PRIM2: variants seen among roughly 807,000 people sequenced by gnomAD.
The protein encoded by PRIM2 is DNA primase large subunit.
PRIM2 carries 39 observed loss-of-function variants against 67.3 expected under a neutral mutation model. The observed-to-expected ratio is 0.58, with a 90% confidence interval of 0.45 to 0.76. The LOEUF (loss-of-function observed/expected upper bound fraction) is 0.76. Among genes scored for constraint, PRIM2 ranks in the 30% least tolerant of loss-of-function variants. PRIM2 has a pLI of 0.00. For synonymous variants in PRIM2, 143 were observed against 198.7 expected, an observed-to-expected ratio of 0.72 and a Z score of 2.36; for missense variants, 398 against 598.7, an observed-to-expected ratio of 0.66 and a Z score of 3.50.
At chr6:57,316,545 A>G (rs1032318524), upstream of PRIM2, among the ~76,000 whole-genome samples, 1 of 152,258 alleles carries the variant, frequency 6.6e-6, no homozygotes, top group Non-Finnish European at 1.5e-5. Flanking sequence ...CAGGCTGGGT[A>G]GATGCTTTGA....
intron 10 of PRIM2, among the ~76,000 whole-genome samples, chr6:57,561,760 AC>A (rs1483620481): frequency 1.3e-5 from 2 of 151,998 alleles, no homozygotes; most frequent in Non-Finnish European, 2.9e-5. Context: ...TCCTTGAAAA[AC>A]TTTTTTTTTA....
chr6:57,237,350 T>C, the PRIM2 span, among the ~76,000 whole-genome samples: 1 of 152,238 alleles, frequency 6.6e-6, no homozygotes, highest in Non-Finnish European at 1.5e-5. Flanking sequence ...AAAAATTTTC[T>C]CCCATTCTGT....
chr6:57,556,547 A>G (rs1265415004), intron 10 of PRIM2, among the ~76,000 whole-genome samples: 11 of 152,244 alleles, frequency 7.2e-5, no homozygotes, highest in Non-Finnish European at 1.3e-4. Flanking sequence ...AGGACTGCCT[A>G]TTCAACAAGT....
In PRIM2 at chr6:57,366,139, A is replaced by G. The variant is rs11758740; in HGVS notation, c.460-13762A>G. 1.5e-3 allele frequency among the ~76,000 whole-genome samples: 225 copies of G among 152,232 alleles called. 6 individuals carry two copies. In the East Asian group the frequency reaches 0.017, roughly 11 times the overall value. On this transcript the variant is annotated intron_variant, in intron 5 of 13. Transcript: ENST00000615550. ...CATGGAGGTGGGAGTAACTATGCCT[A>G]AGGAAATCTGGTGCAACTTTGCAGA... is the stretch of plus-strand genomic sequence containing the variant.
chr6:57,449,303 A>AT (rs1772459774), intron 7 of PRIM2, among the ~76,000 whole-genome samples: 1 of 152,126 alleles, frequency 6.6e-6, no homozygotes, highest in African/African-American at 2.4e-5. Flanking sequence ...ATTGGCAAAC[A>AT]TTTGCTAGGA....
chr6:57,250,992 T>C, the PRIM2 span, among the ~76,000 whole-genome samples: 1 of 152,196 alleles, frequency 6.6e-6, no homozygotes, highest in Non-Finnish European at 1.5e-5. Flanking sequence ...ATCATAAATC[T>C]GAAACACTTC....
chr6:57,521,366 G>GGTTT (rs1253463587), intron 8 of PRIM2, among the ~76,000 whole-genome samples: 3 of 76,622 alleles, frequency 3.9e-5, no homozygotes, highest in African/African-American at 1.5e-4. Flanking sequence ...ATGTGGTTAG[G>GGTTT]GTTTTTTTTT....
chr6:57,299,156 A>C, the PRIM2 span, among the ~76,000 whole-genome samples: 12 of 152,078 alleles, frequency 7.9e-5, no homozygotes, highest in Non-Finnish European at 1.2e-4. Context: ...GCCCTTTATA[A>C]ACAATAATCT....
chr6:57,277,941 G>T, the PRIM2 span, among the ~76,000 whole-genome samples: 4 of 148,750 alleles, frequency 2.7e-5, no homozygotes, highest in South Asian at 8.7e-4. Flanking sequence ...CCGAGATCGT[G>T]CCACTGCGCT....
intron 13 of PRIM2, among the ~76,000 whole-genome samples, chr6:57,643,339 A>G (rs1777279474): frequency 6.6e-6 from 1 of 152,176 alleles, no homozygotes; most frequent in Non-Finnish European, 1.5e-5. Flanking sequence ...CATTATCAGT[A>G]TGATTTTGCA....
chr6:57,274,380 C>T, the PRIM2 span, among the ~76,000 whole-genome samples: 4 of 152,240 alleles, frequency 2.6e-5, no homozygotes, highest in East Asian at 3.9e-4. Context: ...TCTCAGACTG[C>T]TGTGCTAGCA....
intron 8 of PRIM2, among the ~76,000 whole-genome samples, chr6:57,515,672 A>G (rs1554348179): frequency 6.6e-6 from 1 of 152,248 alleles, no homozygotes; most frequent in Non-Finnish European, 1.5e-5. Flanking sequence ...AGTACATTGT[A>G]TATACATTCC....
intron 7 of PRIM2, among the ~76,000 whole-genome samples, chr6:57,473,282 C>T (rs1278104895): frequency 2.0e-4 from 31 of 152,186 alleles, no homozygotes; most frequent in Non-Finnish European, 3.7e-4. Flanking sequence ...GATGGGGAGG[C>T]GGCACACAAC....
intron 7 of PRIM2, among the ~76,000 whole-genome samples, chr6:57,477,611 C>G (rs1773506628): frequency 6.6e-6 from 1 of 152,066 alleles, no homozygotes; most frequent in Non-Finnish European, 1.5e-5. Flanking sequence ...TCACATATGT[C>G]TTAGCTAAAT....
At chr6:57,224,269 AAG>A in the PRIM2 span, among the ~76,000 whole-genome samples, 2 of 152,114 alleles carry the variant, frequency 1.3e-5, no homozygotes, top group African/African-American at 2.4e-5. Context: ...TCAAAAATAA[AAG>A]AGAGAGAGGG....
chr6:57,317,630 A>G lies in PRIM2; in HGVS notation c.-81A>G, dbSNP rs994287462. 6.5e-6 allele frequency: 1 copy of G among 152,724 alleles called. No homozygotes were observed. The highest frequency in any genetic ancestry group is 1.5e-5 in the Non-Finnish European group (1 of 68,100). 9.5% of individuals were successfully genotyped at this position (152,724 alleles called of 1,614,324 possible). On this transcript the variant is annotated 5_prime_UTR_variant, in exon 1 of 14. Coordinates refer to ENST00000615550, the MANE Select transcript of PRIM2 (RefSeq NM_000947.5). ...GCTAGTCACTTCCTCTTCCGGTTTC[A>G]TATGAACTCTCCCGCCACCCGGGAA... is the stretch of plus-strand genomic sequence containing the variant.
At chr6:57,344,724 A>G (rs1464469021) in intron 5 of PRIM2, among the ~76,000 whole-genome samples, 2 of 152,206 alleles carry the variant, frequency 1.3e-5, no homozygotes, top group African/African-American at 4.8e-5. Context: ...TAAGTTTTCT[A>G]GTTAGTTGAG....
chr6:57,458,591 A>G (rs1392167580), intron 7 of PRIM2, among the ~76,000 whole-genome samples: 1 of 152,200 alleles, frequency 6.6e-6, no homozygotes, highest in African/African-American at 2.4e-5. Flanking sequence ...AGGCTGAGGA[A>G]GGCGAATTCC....
chr6:57,587,393 G>A lies in PRIM2; in HGVS notation c.1021-13700G>A, dbSNP rs1401238039. Among the ~76,000 whole-genome samples the A allele has an allele frequency of 1.2e-4, 18 of 152,218 alleles. No individual in the cohort carries two copies. The South Asian group carries it at 2.1e-3, about 18-fold the overall frequency. ...TAAAAGGCAGAACACAGCCGAGAGC[G>A]GTGGCTCATGCCTGTAATTTCAGCA... On this transcript the variant is annotated intron_variant, in intron 10 of 13. Coordinates refer to ENST00000615550, the MANE Select transcript of PRIM2 (RefSeq NM_000947.5).
Sources: allele counts gnomAD v4.1 joint callset (sites outside exome capture counted in the v4.1 genomes callset), GRCh38; gene constraint gnomAD v4.1.1; transcripts MANE v1.5; gene names NCBI Gene and HGNC (gene_info 2026-07-23, HGNC 2026-07-21).